The following CYTH3 variants were observed in gnomAD, a reference collection of about 807,000 sequenced individuals.
CYTH3 encodes cytohesin-3.
Under a neutral mutation model 55.1 loss-of-function variants are expected in CYTH3, and 23 were observed. That is an observed-to-expected ratio of 0.42 (90% confidence interval 0.30 to 0.59). The LOEUF (loss-of-function observed/expected upper bound fraction) is 0.59. Ranked by LOEUF, CYTH3 falls within the 20% of genes least tolerant of loss-of-function variation. The probability of loss-of-function intolerance (pLI) is 0.20; values close to 1 mark genes in which losing one functional copy is unlikely to be tolerated. For synonymous variants in CYTH3, 249 were observed against 194.9 expected (o/e 1.28, Z -2.31); for missense variants, 413 against 524.8 (o/e 0.79, Z 2.08).
At chr7:6,204,382 C>A (rs1189388496) in intron 1 of CYTH3, among the ~76,000 whole-genome samples, 1 of 152,192 alleles carries the variant, frequency 6.6e-6, no homozygotes, top group Non-Finnish European at 1.5e-5. Flanking sequence ...TCTCCAGATC[C>A]TCTTATTCTG....
intron 4 of CYTH3, among the ~76,000 whole-genome samples, chr7:6,184,091 C>T (rs771360125): frequency 6.3e-4 from 68 of 107,164 alleles, no homozygotes; most frequent in South Asian, 1.7e-3. Flanking sequence ...GATAGAGTCT[C>T]GCTCTGTCGC....
In CYTH3 at chr7:6,165,784, G is replaced by A. The variant is rs1782981851; in HGVS notation, c.850C>T (p.Arg284Trp). 3.7e-6 allele frequency: 6 copies of A among 1,614,092 alleles called. No homozygotes were observed. Among genetic ancestry groups the A allele is most frequent in the Middle Eastern group, 1.7e-4 (1 of 6,056 alleles). The change falls in exon 10 of 13, where the codon CGG (arginine) becomes TGG (tryptophan). Residue 284 changes from arginine to tryptophan, a missense_variant. Coordinates refer to ENST00000350796, the MANE Select transcript of CYTH3 (RefSeq NM_004227.4). ...CAGTTATCGGTCAGGATGAACCACCGGCGCTTCCAGGTCTTCACACGCCCT... is the reference window on the plus strand; with the variant it reads ...CAGTTATCGGTCAGGATGAACCACCAGCGCTTCCAGGTCTTCACACGCCCT... ...LGGRVKTWKRRWFILTDNCLY... is the reference protein window; with the variant it reads ...LGGRVKTWKRWWFILTDNCLY...
chr7:6,166,107 T>C (rs1187803856), intron 9 of CYTH3, among the ~76,000 whole-genome samples: 1 of 152,154 alleles, frequency 6.6e-6, no homozygotes, highest in Non-Finnish European at 1.5e-5. Context: ...GAGATGGCAG[T>C]GTGATGAAGT....
At position 6,184,717 on chromosome 7, in the gene CYTH3, T is replaced by C. The variant is rs187166467; in HGVS notation, c.249+2333A>G. Among the ~76,000 whole-genome samples, 225 of 152,292 alleles carry C rather than the reference T, an allele frequency of 1.5e-3. 2 individuals carry two copies. Among genetic ancestry groups the C allele is most frequent in the African/African-American group, 5.2e-3 (215 of 41,572 alleles). On this transcript the variant is annotated intron_variant, in intron 4 of 12. Transcript: ENST00000350796. Reference sequence around the variant, plus strand: ...CCTCAGCCTCCCGAGTAGCTGGGACTACAGGCACCCACCACCACGCCCAGC... The same window carrying C: ...CCTCAGCCTCCCGAGTAGCTGGGACCACAGGCACCCACCACCACGCCCAGC...
rs1403364420 is a variant in CYTH3, at chr7:6,171,398, A to G, written c.450-84T>C. The G allele has an allele frequency of 1.0e-5, 14 of 1,338,056 alleles. No individual in the cohort carries two copies. The highest frequency in any genetic ancestry group is 1.5e-5 in the Non-Finnish European group (14 of 944,068). The allele number at this position is 1,338,056 out of a possible 1,614,324, so 82.9% of individuals were successfully genotyped here. A position where few individuals can be genotyped will look rare whatever the true frequency, so the allele number is the denominator to read the frequency against. ...AGGGCGGCTTCTGCCCAGCTCAGGA[A>G]GGACGTTTTCCTCCCGAGCCTGGGG... On this transcript the variant is annotated intron_variant, in intron 6 of 12. Transcript: ENST00000350796. This position sits in a 1 kb window ranked among gnomAD's most constrained non-coding sequence, Gnocchi z 6.7.
intron 3 of CYTH3, 28 bp from the exon 4 acceptor site, chr7:6,187,144 A>G (rs1783675584): frequency 1.2e-6 from 2 of 1,607,416 alleles, no homozygotes; most frequent in South Asian, 2.2e-5. Context: ...TTTAAAAATC[A>G]CTCATGCTGT....
chr7:6,249,594 T>C (rs1779907857), intron 1 of CYTH3, among the ~76,000 whole-genome samples: 1 of 152,254 alleles, frequency 6.6e-6, no homozygotes, highest in Non-Finnish European at 1.5e-5. Context: ...CAGAAGCTGC[T>C]CCTGCTTACT....
chr7:6,269,981 A>C (rs1265025108), intron 1 of CYTH3, among the ~76,000 whole-genome samples: 2 of 152,232 alleles, frequency 1.3e-5, no homozygotes, highest in African/African-American at 2.4e-5. Flanking sequence ...GATACAGTTC[A>C]ACATTATGTA....
At chr7:6,232,007 T>C in intron 1 of CYTH3, among the ~76,000 whole-genome samples, 1 of 152,098 alleles carries the variant, frequency 6.6e-6, no homozygotes, top group East Asian at 1.9e-4. Context: ...TGCATCTGAG[T>C]TTTAAACTTG....
chr7:6,268,802 C>T (rs913294690), intron 1 of CYTH3, among the ~76,000 whole-genome samples: 1 of 152,110 alleles, frequency 6.6e-6, no homozygotes, highest in African/African-American at 2.4e-5. Context: ...GAAACCATCC[C>T]TTTAAGAATC....
At chr7:6,259,792 T>TATATATATA (rs1780274133) in intron 1 of CYTH3, among the ~76,000 whole-genome samples, 1 of 15,012 alleles carries the variant, frequency 6.7e-5, no homozygotes, top group Non-Finnish European at 8.8e-5. Flanking sequence ...ATAATATATA[T>TATATATATA]ATATATATAT....
chr7:6,257,981 C>CA (rs1433979068), intron 1 of CYTH3, among the ~76,000 whole-genome samples: 1 of 152,082 alleles, frequency 6.6e-6, no homozygotes, highest in East Asian at 1.9e-4. Context: ...GCTGGCTACT[C>CA]ATCCAGGTCC....
chr7:6,224,050 A>G (rs1025016215), intron 1 of CYTH3, among the ~76,000 whole-genome samples: 3 of 152,066 alleles, frequency 2.0e-5, no homozygotes, highest in African/African-American at 7.2e-5. Context: ...CCATTGCACA[A>G]AAAGCAAAAA....
chr7:6,213,531 G>A lies in CYTH3; in HGVS notation c.35-23000C>T, dbSNP rs188895558. ...TCAATCCCAGTAAAGTGTCCCCATG[G>A]TTTTTTGTTTGTTTGTTTGTTTGGT... On this transcript the variant is annotated intron_variant, in intron 1 of 12. Coordinates refer to ENST00000350796, the MANE Select transcript of CYTH3 (RefSeq NM_004227.4). 2.7e-3 allele frequency among the ~76,000 whole-genome samples: 408 copies of A among 151,984 alleles called. 3 individuals carry two copies. Among genetic ancestry groups the A allele is most frequent in the Middle Eastern group, 0.01 (3 of 292 alleles).
intron 1 of CYTH3, among the ~76,000 whole-genome samples, chr7:6,265,618 CAAAAAAAA>C (rs111748997): frequency 9.1e-6 from 1 of 109,884 alleles, no homozygotes; most frequent in South Asian, 2.9e-4. Flanking sequence ...GACTCCATTT[CAAAAAAAA>C]AAAAAAAAAG....
intron 1 of CYTH3, among the ~76,000 whole-genome samples, chr7:6,235,878 C>G (rs568142010): frequency 6.6e-6 from 1 of 152,124 alleles, no homozygotes; most frequent in East Asian, 1.9e-4. Context: ...CAAAACAAAA[C>G]GACGAGTAAG....
chr7:6,179,768 A>ACACC (rs1562881543), intron 4 of CYTH3, among the ~76,000 whole-genome samples: 8 of 53,848 alleles, frequency 1.5e-4, no homozygotes, highest in African/African-American at 9.9e-4. Flanking sequence ...CACCACACAC[A>ACACC]CCCCACACAC....
chr7:6,249,935 C>G (rs1779918036), intron 1 of CYTH3, among the ~76,000 whole-genome samples: 1 of 152,186 alleles, frequency 6.6e-6, no homozygotes, highest in Non-Finnish European at 1.5e-5. Context: ...ACTGTAGTCA[C>G]AGGGCTGTAC....
chr7:6,265,257 T>C (rs1780458798), intron 1 of CYTH3, among the ~76,000 whole-genome samples: 1 of 151,674 alleles, frequency 6.6e-6, no homozygotes, highest in Non-Finnish European at 1.5e-5. Flanking sequence ...AAAAAAAGAC[T>C]TGTGACAGAG....
Sources: gnomAD v4.1 joint callset for allele counts (sites outside exome capture counted in the v4.1 genomes callset) on GRCh38, gnomAD v4.1.1 for gene constraint, Gnocchi (gnomAD v3.1) non-coding constraint, MANE v1.5 for transcripts, NCBI Gene and HGNC (gene_info 2026-07-23, HGNC 2026-07-21) for gene names.